PAK5: variants seen among roughly 807,000 people sequenced by gnomAD.
PAK5 encodes the protein serine/threonine-protein kinase PAK 5.
Under a neutral mutation model 65.9 loss-of-function variants are expected in PAK5, and 16 were observed. That is an observed-to-expected ratio of 0.24 (90% CI 0.16 to 0.37). PAK5 has a LOEUF of 0.37. Among genes scored for constraint, PAK5 ranks in the 10% least tolerant of loss-of-function variants. PAK5 has a pLI of 1.00. For synonymous variants in PAK5, 371 were observed against 354.9 expected (o/e 1.05, Z -0.51); for missense variants, 785 against 903.9 (o/e 0.87, Z 1.69).
At chr20:9,806,687 G>A (rs868710527) in intron 1 of PAK5, among the ~76,000 whole-genome samples, 24 of 152,256 alleles carry the variant, frequency 1.6e-4, no homozygotes, top group Middle Eastern at 6.8e-3. Flanking sequence ...ACACTAAGGA[G>A]TGTGTTATCC....
intron 2 of PAK5, among the ~76,000 whole-genome samples, chr20:9,658,233 C>T (rs1423884955): frequency 6.6e-6 from 1 of 152,094 alleles, no homozygotes; most frequent in African/African-American, 2.4e-5. Flanking sequence ...TTTATTTGGC[C>T]CCAAATACTG....
At chr20:9,736,224 C>T (rs996869601) in intron 1 of PAK5, among the ~76,000 whole-genome samples, 5 of 151,944 alleles carry the variant, frequency 3.3e-5, no homozygotes, top group African/African-American at 7.2e-5. Context: ...TAAAATGAAA[C>T]ACATAGGGAA....
intron 5 of PAK5, among the ~76,000 whole-genome samples, chr20:9,563,948 T>G (rs1374465507): frequency 6.6e-6 from 1 of 152,166 alleles, no homozygotes; most frequent in African/African-American, 2.4e-5. Flanking sequence ...TGAGTGCATT[T>G]GTACAGTGCC....
chr20:9,636,616 A>G (rs1361778902), intron 3 of PAK5, among the ~76,000 whole-genome samples: 1 of 152,228 alleles, frequency 6.6e-6, no homozygotes, highest in Non-Finnish European at 1.5e-5. Context: ...AAGACTTTGA[A>G]GGCTAAATTA....
chr20:9,668,641 G>A (rs951086278), intron 2 of PAK5, among the ~76,000 whole-genome samples: 37 of 152,296 alleles, frequency 2.4e-4, no homozygotes, highest in Admixed American at 1.6e-3. Flanking sequence ...GAACGAGAAC[G>A]ACACTTTTGC....
intron 7 of PAK5, among the ~76,000 whole-genome samples, chr20:9,548,691 A>C (rs2045381906): frequency 6.6e-6 from 1 of 151,234 alleles, no homozygotes; most frequent in African/African-American, 2.4e-5. Flanking sequence ...ACACACATAC[A>C]TAATAGTATA....
intron 3 of PAK5, among the ~76,000 whole-genome samples, chr20:9,604,625 A>G (rs1359980419): frequency 1.3e-5 from 2 of 152,006 alleles, no homozygotes; most frequent in Admixed American, 6.6e-5. Flanking sequence ...TCCTATTCAC[A>G]CCCCTGCATC....
chr20:9,761,699 A>G (rs1039846110), intron 1 of PAK5, among the ~76,000 whole-genome samples: 8 of 152,174 alleles, frequency 5.3e-5, no homozygotes, highest in Non-Finnish European at 1.0e-4. Flanking sequence ...AAATAGACAC[A>G]TAAGTGGGTA....
intron 1 of PAK5, among the ~76,000 whole-genome samples, chr20:9,740,589 T>C (rs1390471684): frequency 6.6e-6 from 1 of 152,218 alleles, no homozygotes; most frequent in Non-Finnish European, 1.5e-5. Flanking sequence ...GAGACCTATG[T>C]GTTTTCTCTT....
chr20:9,780,240 A>C (rs552959687), intron 1 of PAK5, among the ~76,000 whole-genome samples: 1 of 152,262 alleles, frequency 6.6e-6, no homozygotes, highest in East Asian at 1.9e-4. Flanking sequence ...TCTGTGAAAG[A>C]CTAAATCAGA....
intron 1 of PAK5, among the ~76,000 whole-genome samples, chr20:9,746,614 T>C (rs975172008): frequency 6.6e-6 from 1 of 152,162 alleles, no homozygotes; most frequent in African/African-American, 2.4e-5. Context: ...AATTATGCAC[T>C]AATTCATTAG....
chr20:9,764,437 C>T (rs769491089), intron 1 of PAK5, among the ~76,000 whole-genome samples: 1 of 152,166 alleles, frequency 6.6e-6, no homozygotes, highest in Non-Finnish European at 1.5e-5. Flanking sequence ...CAAATCTCTC[C>T]ATTTTAATGC....
intron 1 of PAK5, among the ~76,000 whole-genome samples, chr20:9,746,620 A>G (rs889475894): frequency 2.0e-5 from 3 of 152,204 alleles, no homozygotes; most frequent in Non-Finnish European, 2.9e-5. Context: ...GCACTAATTC[A>G]TTAGCCATTA....
chr20:9,682,770 A>T (rs1377911979), intron 2 of PAK5, among the ~76,000 whole-genome samples: 1 of 152,212 alleles, frequency 6.6e-6, no homozygotes, highest in African/African-American at 2.4e-5. Context: ...CTATGCCTAT[A>T]TATTCACTTT....
intron 1 of PAK5, among the ~76,000 whole-genome samples, chr20:9,719,069 C>A (rs947950539): frequency 6.6e-6 from 1 of 152,112 alleles, no homozygotes; most frequent in Admixed American, 6.5e-5. Context: ...AGCATTTTTT[C>A]TTTCCCTTCA....
At chr20:9,800,532 C>A (rs1276248591) in intron 1 of PAK5, among the ~76,000 whole-genome samples, 1 of 151,990 alleles carries the variant, frequency 6.6e-6, no homozygotes, top group African/African-American at 2.4e-5. Context: ...CAAGTTTTGA[C>A]AGAATGATAA....
intron 1 of PAK5, among the ~76,000 whole-genome samples, chr20:9,744,493 C>A (rs1013953590): frequency 2.0e-5 from 3 of 152,150 alleles, no homozygotes; most frequent in Non-Finnish European, 2.9e-5. Context: ...CTTCACAGAC[C>A]TTTAAAATAA....
intron 1 of PAK5, among the ~76,000 whole-genome samples, chr20:9,801,037 C>T (rs74913769): frequency 0.057 from 8,723 of 152,134 alleles, 353 homozygotes; most frequent in South Asian, 0.19. Flanking sequence ...TCTAGATCTC[C>T]AGTTCACTCT....
In PAK5 at chr20:9,642,765, G is replaced by C. The variant is rs190604735; in HGVS notation, c.204+1360C>G. ...CAATTGATATCTGTTTAAAATGACA[G>C]CCTCCTTTTGTTCCCAAAGCTTTAT... is the stretch of plus-strand genomic sequence containing the variant. On this transcript the variant is annotated intron_variant, in intron 3 of 9. Transcript: ENST00000353224. Among the ~76,000 whole-genome samples the C allele has an allele frequency of 2.6e-3, 399 of 152,290 alleles. 2 individuals carry two copies. Among genetic ancestry groups the C allele is most frequent in the Non-Finnish European group, 4.2e-3 (289 of 68,012 alleles).
Sources: allele counts gnomAD v4.1 joint callset (sites outside exome capture counted in the v4.1 genomes callset), GRCh38; gene constraint gnomAD v4.1.1; transcripts MANE v1.5; gene names NCBI Gene and HGNC (gene_info 2026-07-23, HGNC 2026-07-21).